The following NFKB1 variants were observed in gnomAD, a reference collection of about 807,000 sequenced individuals.
NFKB1 encodes nuclear factor NF-kappa-B p105 subunit.
In NFKB1, 9 loss-of-function variants were observed where a neutral mutation model predicts 105.1. The ratio of observed to expected loss-of-function variants is 0.09; its 90% CI spans 0.05 to 0.15. NFKB1 has a LOEUF of 0.15. Among genes scored for constraint, NFKB1 ranks in the 10% least tolerant of loss-of-function variants. NFKB1 has a pLI of 1.00. For missense variants in NFKB1, 830 were observed against 1,203.7 expected, an observed-to-expected ratio of 0.69 and a Z score of 4.59; for synonymous variants, 440 against 442.2, an observed-to-expected ratio of 1.00 and a Z score of 0.06.
chr4:102,563,460 C>T (rs575579654), intron 5 of NFKB1, among the ~76,000 whole-genome samples: 1 of 152,048 alleles, frequency 6.6e-6, no homozygotes, highest in African/African-American at 2.4e-5. Flanking sequence ...AAAAAACTTT[C>T]AGGATGGTCA....
At chr4:102,517,950 A>G (rs1740314548) in intron 1 of NFKB1, among the ~76,000 whole-genome samples, 1 of 152,208 alleles carries the variant, frequency 6.6e-6, no homozygotes, top group Admixed American at 6.5e-5. Context: ...TATAAGTAAT[A>G]TGGCAATAAT....
chr4:102,572,299 A>G (rs533680346), intron 6 of NFKB1, among the ~76,000 whole-genome samples: 7 of 127,778 alleles, frequency 5.5e-5, no homozygotes, highest in East Asian at 2.7e-4. Flanking sequence ...ACACTTGGAC[A>G]CAGGGTGGGG....
At chr4:102,614,882 G>A (rs28610412) in intron 23 of NFKB1, among the ~76,000 whole-genome samples, 90 of 152,116 alleles carry the variant, frequency 5.9e-4, no homozygotes, top group Middle Eastern at 3.4e-3. Flanking sequence ...TGTCAGAAGC[G>A]CTGCCATCTT....
chr4:102,609,157 T>TAAAAAAAAAAAAAAAAAAA (rs1728124070), intron 19 of NFKB1, among the ~76,000 whole-genome samples: 1 of 68,930 alleles, frequency 1.5e-5, no homozygotes, highest in Non-Finnish European at 3.2e-5. Context: ...AGACCCTGTC[T>TAAAAAAAAAAAAAAAAAAA]CAAAAAAAAA....
In NFKB1 at chr4:102,600,304, A is replaced by G. The variant is rs778235460; in HGVS notation, c.1638-591A>G. ...GTTTGCAGGAGTGGTGGGAAATACA[A>G]TCACTTTGTTTCTTCACAAGTTTAC... On this transcript the variant is annotated intron_variant, in intron 15 of 23. Transcript: ENST00000226574. Among the ~76,000 whole-genome samples the G allele has an allele frequency of 3.9e-5, 6 of 152,192 alleles. No homozygotes were observed. In the South Asian group the frequency reaches 6.2e-4, roughly 16 times the overall value.
Position 102,593,542 on chromosome 4 carries a change from G to A in NFKB1, c.1184G>A (p.Gly395Glu). The A allele has an allele frequency of 6.2e-7, 1 of 1,613,806 alleles. No homozygotes were observed. Among genetic ancestry groups the A allele is most frequent in the Non-Finnish European group, 8.5e-7 (1 of 1,179,752 alleles). Residue 395 changes from glycine to glutamate, a missense_variant, in exon 12 of 24, where the codon GGA becomes GAA. This residue lies in a region of NFKB1 where 163 missense variants were observed against 164.3 expected (regional missense o/e 0.99). Coordinates refer to ENST00000226574, the MANE Select transcript of NFKB1 (RefSeq NM_003998.4). ...GGCATGTTTGGTAGTGGCGGTGGAG[G>A]AGGGGGCACTGGAAGTACAGGTCCA... Reference protein sequence around the residue: ...GGGMFGSGGGGGGTGSTGPGY... With the variant: ...GGGMFGSGGGEGGTGSTGPGY...
At chr4:102,554,352 T>A (rs890537209) in intron 5 of NFKB1, among the ~76,000 whole-genome samples, 4 of 152,192 alleles carry the variant, frequency 2.6e-5, no homozygotes, top group Non-Finnish European at 5.9e-5. Context: ...TATGCCACAT[T>A]TGGGAAAAGA....
intron 6 of NFKB1, among the ~76,000 whole-genome samples, chr4:102,573,571 G>A (rs1005673508): frequency 3.6e-4 from 55 of 152,004 alleles, no homozygotes; most frequent in African/African-American, 1.2e-3. Flanking sequence ...TTAGATCTCT[G>A]GGTTTATATA....
At chr4:102,502,390 G>GCGCGCGCGCACACACA (rs1311577382) in intron 1 of NFKB1, among the ~76,000 whole-genome samples, 2 of 105,392 alleles carry the variant, frequency 1.9e-5, no homozygotes, top group African/African-American at 8.3e-5. Flanking sequence ...GCGCGCGCGC[G>GCGCGCGCGCACACACA]CACACACACA....
chr4:102,573,572 G>A (rs1371546041), intron 6 of NFKB1, among the ~76,000 whole-genome samples: 2 of 151,600 alleles, frequency 1.3e-5, no homozygotes, highest in East Asian at 3.9e-4. Flanking sequence ...TAGATCTCTG[G>A]GTTTATATAT....
chr4:102,565,445 T>G (rs1347113729), intron 5 of NFKB1, among the ~76,000 whole-genome samples: 1 of 152,156 alleles, frequency 6.6e-6, no homozygotes, highest in Non-Finnish European at 1.5e-5. Flanking sequence ...TTTTCGACTC[T>G]TGGATGAAAT....
chr4:102,596,437 T>C, intron 14 of NFKB1, 105 bp downstream of exon 14: 1 of 892,516 alleles, frequency 1.1e-6, no homozygotes, highest in Non-Finnish European at 1.6e-6. Flanking sequence ...AATATCTAGT[T>C]TAGTGTACTC....
At chr4:102,591,535 T>G (rs1402616646) in intron 11 of NFKB1, among the ~76,000 whole-genome samples, 1 of 152,166 alleles carries the variant, frequency 6.6e-6, no homozygotes, top group Non-Finnish European at 1.5e-5. Context: ...TTAAGAATTA[T>G]GCCAAATCTT....
chr4:102,603,866 C>T (rs1354192428), intron 16 of NFKB1, among the ~76,000 whole-genome samples: 2 of 152,158 alleles, frequency 1.3e-5, no homozygotes, highest in African/African-American at 4.8e-5. Flanking sequence ...AGTCCAAGTG[C>T]ACCGAGTTAG....
chr4:102,611,659 A>C (rs2149229419), intron 20 of NFKB1, among the ~76,000 whole-genome samples: 1 of 152,342 alleles, frequency 6.6e-6, no homozygotes, highest in East Asian at 1.9e-4. Flanking sequence ...GTTCCTATGG[A>C]AGAAGGGAGA....
chr4:102,563,089 G>T (rs1723572064), intron 5 of NFKB1, among the ~76,000 whole-genome samples: 1 of 152,120 alleles, frequency 6.6e-6, no homozygotes, highest in Non-Finnish European at 1.5e-5. Flanking sequence ...TGAAGAACCA[G>T]CATGTACTTT....
chr4:102,610,803 GC>G, intron 20 of NFKB1, 104 bp downstream of exon 20: 1 of 1,354,872 alleles, frequency 7.4e-7, no homozygotes, highest in East Asian at 2.5e-5. Flanking sequence ...CAAAGAACAT[GC>G]CTTTTATTTT....
At chr4:102,599,812 G>A (rs1013109547) in intron 15 of NFKB1, among the ~76,000 whole-genome samples, 3 of 152,206 alleles carry the variant, frequency 2.0e-5, no homozygotes, top group Non-Finnish European at 4.4e-5. Flanking sequence ...CAAATGCTTA[G>A]CATAGTCTGG....
chr4:102,607,421 C>G, intron 18 of NFKB1, 102 bp downstream of exon 18: 1 of 1,320,262 alleles, frequency 7.6e-7, no homozygotes, highest in Non-Finnish European at 1.1e-6. Flanking sequence ...CCCTTACAAT[C>G]AGCTCTATTT....
Sources: gnomAD v4.1 joint callset for allele counts (sites outside exome capture counted in the v4.1 genomes callset) on GRCh38, gnomAD v4.1.1 for gene constraint, gnomAD v4.1.1 regional missense constraint, MANE v1.5 for transcripts, NCBI Gene and HGNC (gene_info 2026-07-23, HGNC 2026-07-21) for gene names.